Variants in CAP2 observed in about 807,000 individuals in gnomAD.
The protein encoded by CAP2 is cyclase associated actin cytoskeleton regulatory protein 2, also known as adenylyl cyclase-associated protein 2.
In CAP2, 24 loss-of-function variants were observed where a neutral mutation model predicts 57.7. That is an observed-to-expected ratio of 0.42 (90% CI 0.30 to 0.58). The LOEUF is 0.58. Ranked by LOEUF, CAP2 falls within the 20% of genes least tolerant of loss-of-function variation. CAP2 has a pLI of 0.22. For missense variants in CAP2, 501 were observed against 590.3 expected, an observed-to-expected ratio of 0.85 and a Z score of 1.57; for synonymous variants, 194 against 207.2, an observed-to-expected ratio of 0.94 and a Z score of 0.55.
At chr6:17,519,351 G>T (rs1432395490) in intron 7 of CAP2, among the ~76,000 whole-genome samples, 2 of 152,222 alleles carry the variant, frequency 1.3e-5, no homozygotes, top group African/African-American at 2.4e-5. Flanking sequence ...GTGCCGGGTG[G>T]GGTGGGGTGA....
In CAP2 at chr6:17,491,039, C is replaced by T. The variant is rs147957742; in HGVS notation, c.301-16130C>T. On this transcript the variant is annotated intron_variant, in intron 4 of 12. Coordinates refer to ENST00000229922, the MANE Select transcript of CAP2 (RefSeq NM_006366.3). ...AAAAGAAATCTGTTTCTCTTTCATT[C>T]TTCTTCTGCCTTGAGCCGGTAGAAA... Among the ~76,000 whole-genome samples, 31 of 152,286 alleles carry T rather than the reference C, an allele frequency of 2.0e-4. 1 individual carries two copies. The East Asian group carries it at 6.0e-3, about 29-fold the overall frequency.
At chr6:17,409,959 A>C (rs762421572) in intron 1 of CAP2, among the ~76,000 whole-genome samples, 2 of 152,060 alleles carry the variant, frequency 1.3e-5, no homozygotes, top group Non-Finnish European at 2.9e-5. Flanking sequence ...ACTACTCATC[A>C]GTCCCTTGTT....
intron 3 of CAP2, among the ~76,000 whole-genome samples, chr6:17,431,545 G>C (rs1759734309): frequency 6.6e-6 from 1 of 152,146 alleles, no homozygotes; most frequent in South Asian, 2.1e-4. Context: ...CACTATGCTA[G>C]ATATTCCTAG....
chr6:17,434,649 C>A (rs1478687677), intron 3 of CAP2, among the ~76,000 whole-genome samples: 1 of 152,222 alleles, frequency 6.6e-6, no homozygotes, highest in Non-Finnish European at 1.5e-5. Context: ...TCCCTCCATA[C>A]CCCTGAAGGT....
chr6:17,414,434 G>A (rs1429132784), intron 1 of CAP2, among the ~76,000 whole-genome samples: 2 of 152,094 alleles, frequency 1.3e-5, no homozygotes, highest in Admixed American at 6.6e-5. Context: ...GCCCTGGTGT[G>A]TGTTGTTTCT....
At chr6:17,453,527 C>T (rs1760469171) in intron 3 of CAP2, among the ~76,000 whole-genome samples, 1 of 152,206 alleles carries the variant, frequency 6.6e-6, no homozygotes, top group Admixed American at 6.5e-5. Flanking sequence ...TTGCCTTGAC[C>T]ACAGTGAACG....
At chr6:17,447,609 C>T (rs530718793) in intron 3 of CAP2, among the ~76,000 whole-genome samples, 33 of 152,330 alleles carry the variant, frequency 2.2e-4, no homozygotes, top group African/African-American at 7.9e-4. Context: ...AGCAATTGTC[C>T]TGCCCCAGCC....
At chr6:17,491,531 A>G (rs1209942652) in intron 4 of CAP2, among the ~76,000 whole-genome samples, 2 of 152,208 alleles carry the variant, frequency 1.3e-5, no homozygotes, top group Non-Finnish European at 2.9e-5. Context: ...ATATTGTCTT[A>G]TGTAATCGTC....
rs769094419 is a variant in CAP2 at position 17,542,858 on chromosome 6, G to A, written c.1024G>A (p.Asp342Asn). 2 of 1,612,184 alleles carry A rather than the reference G, an allele frequency of 1.2e-6. No individual in the cohort carries two copies. Among genetic ancestry groups the A allele is most frequent in the South Asian group, 2.2e-5 (2 of 91,018 alleles). The change falls in exon 10 of 13, where the codon GAC becomes AAC. Residue 342 changes from aspartate (D) to asparagine (N), a missense_variant. By Grantham distance (23) the Asp-to-Asn change is conservative. Transcript: ENST00000229922. ...CTAGGAGTACCAAGAGGACAGGAAT[G>A]ACCTTGTGATTTCAGAGACTGAGCT... ...WRVEYQEDRN[D>N]LVISETELKQ...
At chr6:17,531,420 T>A in intron 7 of CAP2, 10 of 1,594,008 alleles carry the variant, frequency 6.3e-6, no homozygotes, top group Non-Finnish European at 8.5e-6. Flanking sequence ...TTTCTTGCCA[T>A]CCTCGCCATT....
At chr6:17,463,377 G>A (rs933092684) in intron 4 of CAP2, among the ~76,000 whole-genome samples, 3 of 151,580 alleles carry the variant, frequency 2.0e-5, no homozygotes, top group African/African-American at 7.3e-5. Flanking sequence ...TGTAACAAAT[G>A]GACATTACCA....
intron 4 of CAP2, among the ~76,000 whole-genome samples, chr6:17,496,028 G>GGCGGGGC (rs71866539): frequency 1.4e-3 from 27 of 19,424 alleles, no homozygotes; most frequent in African/African-American, 2.6e-3. Context: ...GTGTGTGGGT[G>GGCGGGGC]GGGGGGGGGG....
intron 1 of CAP2, among the ~76,000 whole-genome samples, chr6:17,416,167 T>TTTTTTTTTTTTTTTTTTTTG (rs1290905490): frequency 1.3e-5 from 2 of 151,074 alleles, no homozygotes; most frequent in Non-Finnish European, 3.0e-5. Context: ...AAAACTCTTT[T>TTTTTTTTTTTTTTTTTTTTG]AAACATGTTG....
At chr6:17,542,388 G>A (rs1266394997) in intron 9 of CAP2, among the ~76,000 whole-genome samples, 1 of 152,156 alleles carries the variant, frequency 6.6e-6, no homozygotes, top group Non-Finnish European at 1.5e-5. Context: ...CTGCTGATCT[G>A]GAGGGCTTCC....
chr6:17,508,562 C>A (rs1410906001), intron 6 of CAP2, among the ~76,000 whole-genome samples: 1 of 152,112 alleles, frequency 6.6e-6, no homozygotes, highest in Non-Finnish European at 1.5e-5. Context: ...ATAAGAGCAA[C>A]AAGGTTCTAC....
intron 1 of CAP2, among the ~76,000 whole-genome samples, chr6:17,397,146 G>A (rs374272082): frequency 6.6e-6 from 1 of 152,024 alleles, no homozygotes; most frequent in African/African-American, 2.4e-5. Context: ...TACAACCTCC[G>A]CCTCTCAGGT....
At chr6:17,483,599 A>G (rs973164999) in intron 4 of CAP2, among the ~76,000 whole-genome samples, 1 of 152,200 alleles carries the variant, frequency 6.6e-6, no homozygotes, top group Non-Finnish European at 1.5e-5. Flanking sequence ...TGTGAGAAAG[A>G]ACCAAGTACT....
intron 8 of CAP2, 90 bp from the exon 9 acceptor site, chr6:17,540,883 G>T: frequency 1.5e-6 from 2 of 1,295,794 alleles, no homozygotes; most frequent in Non-Finnish European, 2.1e-6. Flanking sequence ...AAAAGTTCTT[G>T]TGCTCTTTAT....
intron 1 of CAP2, among the ~76,000 whole-genome samples, chr6:17,403,854 A>G (rs926396261): frequency 3.3e-5 from 5 of 152,224 alleles, no homozygotes; most frequent in Admixed American, 1.3e-4. Flanking sequence ...CACTGGACAT[A>G]TAAGATAGTT....
Sources: gnomAD v4.1 joint callset for allele counts (sites outside exome capture counted in the v4.1 genomes callset) on GRCh38, gnomAD v4.1.1 for gene constraint, MANE v1.5 for transcripts, NCBI Gene and HGNC (gene_info 2026-07-23, HGNC 2026-07-21) for gene names.